BMX: variants seen among roughly 807,000 people sequenced by gnomAD.
The protein encoded by BMX is BMX non-receptor tyrosine kinase, also known as cytoplasmic tyrosine-protein kinase BMX.
BMX carries 31 observed loss-of-function variants against 59.2 expected under a neutral mutation model. That is an observed-to-expected ratio of 0.52 (90% CI 0.39 to 0.71). The LOEUF (loss-of-function observed/expected upper bound fraction) is 0.71. BMX is among the 30% of genes least tolerant of loss of function. The pLI is 0.00. For synonymous variants in BMX, 185 were observed against 181.0 expected (o/e 1.02, Z -0.18); for missense variants, 474 against 491.7 (o/e 0.96, Z 0.34).
intron 14 of BMX, among the ~76,000 whole-genome samples, chrX:15,539,375 A>G (rs777502483): frequency 1.9e-4 from 21 of 111,998 alleles, no homozygotes; most frequent in Non-Finnish European, 2.8e-4. Flanking sequence ...GAAGCCTATC[A>G]TGTGGGGAAT....
intron 8 of BMX, among the ~76,000 whole-genome samples, 156 bp from the exon 9 acceptor site, chrX:15,525,886 G>C (rs1924695206): frequency 8.9e-6 from 1 of 112,450 alleles, no homozygotes. Flanking sequence ...TACTGTTGCT[G>C]TGTTGATACT....
intron 14 of BMX, among the ~76,000 whole-genome samples, chrX:15,540,503 A>G (rs1395231443): frequency 9.1e-6 from 1 of 109,923 alleles, no homozygotes; most frequent in Non-Finnish European, 1.9e-5. Flanking sequence ...GCAAACCACC[A>G]TGGCACATGT....
At chrX:15,545,662 G>A (rs754219432) in intron 16 of BMX, among the ~76,000 whole-genome samples, 2 of 111,808 alleles carry the variant, frequency 1.8e-5, no homozygotes, top group East Asian at 5.6e-4. Flanking sequence ...TCAGCTTCAA[G>A]TATTTTCTAT....
At chrX:15,539,238 C>T (rs1395493900) in intron 14 of BMX, among the ~76,000 whole-genome samples, 1 of 110,659 alleles carries the variant, frequency 9.0e-6, no homozygotes, top group Non-Finnish European at 1.9e-5. Context: ...ATATTTTTGC[C>T]ATTACCAAGC....
intron 17 of BMX, among the ~76,000 whole-genome samples, chrX:15,548,734 T>C (rs748092327): frequency 2.7e-5 from 3 of 112,105 alleles, no homozygotes; most frequent in Non-Finnish European, 5.6e-5. Flanking sequence ...TATTTTGAAA[T>C]AAGTGTGTAG....
At chrX:15,543,245 G>A in intron 16 of BMX, 110 bp downstream of exon 16, 8 of 696,605 alleles carry the variant, frequency 1.1e-5, no homozygotes, top group Non-Finnish European at 1.7e-5. Flanking sequence ...TGAATTGGGG[G>A]CTTAGAAACC....
chrX:15,515,177 G>C (rs1283632760), intron 4 of BMX, among the ~76,000 whole-genome samples: 1 of 108,691 alleles, frequency 9.2e-6, no homozygotes. Context: ...GGGTGGGAGA[G>C]CATTAGGACA....
intron 14 of BMX, among the ~76,000 whole-genome samples, chrX:15,539,245 A>G (rs1025539003): frequency 3.6e-5 from 4 of 110,901 alleles, no homozygotes; most frequent in African/African-American, 1.3e-4. Flanking sequence ...TGCCATTACC[A>G]AGCTGGTATC....
At position 15,531,400 on chromosome X, in the gene BMX, G is replaced by A; in HGVS notation, c.1012G>A (p.Ala338Thr). 1 of 1,196,439 alleles carries A rather than the reference G, an allele frequency of 8.4e-7. No individual in the cohort carries two copies. The highest frequency in any genetic ancestry group is 1.1e-6 in the Non-Finnish European group (1 of 882,671). Residue 338 changes from alanine (A) to threonine (T), a missense_variant, in exon 11 of 19, where the codon GCT becomes ACT. Physicochemically the swap from Ala to Thr is moderately conservative, Grantham distance 58 (BLOSUM62 0). Transcript: ENST00000348343. ...GTACACAGTGTCCTTATTTAGTAAG[G>A]CTGTGAAGTAAGTATGATACGGATT... ...GMYTVSLFSK[A>T]VNDKKGTVKH...
At chrX:15,525,902 A>T (rs768727733) in intron 8 of BMX, 140 bp from the exon 9 acceptor site, 7 of 484,416 alleles carry the variant, frequency 1.4e-5, no homozygotes, top group Non-Finnish European at 2.4e-5. Context: ...ATACTTTGCC[A>T]GGTGCAGAAG....
intron 18 of BMX, among the ~76,000 whole-genome samples, chrX:15,555,806 T>C (rs748453542): frequency 9.8e-5 from 11 of 111,984 alleles, no homozygotes; most frequent in Non-Finnish European, 1.9e-4. Flanking sequence ...TGCTTGCAAA[T>C]AAAGAGACTT....
intron 6 of BMX, among the ~76,000 whole-genome samples, chrX:15,518,629 A>G (rs1002520166): frequency 9.0e-6 from 1 of 111,367 alleles, no homozygotes; most frequent in Non-Finnish European, 1.9e-5. Flanking sequence ...CAAGTTAAAC[A>G]TCTGTCACCT....
chrX:15,548,457 A>T (rs1308014321), intron 17 of BMX, among the ~76,000 whole-genome samples: 1 of 101,159 alleles, frequency 9.9e-6, no homozygotes, highest in African/African-American at 3.7e-5. Flanking sequence ...AGGCTGTCTT[A>T]AAAAAAAAAA....
chrX:15,554,750 A>C (rs1384687168), intron 18 of BMX, among the ~76,000 whole-genome samples: 1 of 111,663 alleles, frequency 9.0e-6, no homozygotes, highest in Non-Finnish European at 1.9e-5. Flanking sequence ...ATGGCTCCAA[A>C]TATATAATTT....
chrX:15,524,212 C>G (rs192471926), intron 7 of BMX, among the ~76,000 whole-genome samples: 1 of 112,113 alleles, frequency 8.9e-6, no homozygotes, highest in African/African-American at 3.2e-5. Flanking sequence ...CATGTGCATA[C>G]AAAAGCAAGT....
intron 17 of BMX, 85 bp from the exon 18 acceptor site, chrX:15,549,755 G>A: frequency 9.4e-7 from 1 of 1,068,492 alleles, no homozygotes. Flanking sequence ...CTGACCTGTT[G>A]TGTGAAACTC....
intron 1 of BMX, among the ~76,000 whole-genome samples, chrX:15,501,656 G>A (rs1343576450): frequency 1.8e-5 from 2 of 111,935 alleles, no homozygotes; most frequent in Admixed American, 9.4e-5. Context: ...GCGAGGTCTC[G>A]GGTGGGAACT....
At chrX:15,524,847 C>T (rs1924633631) in intron 7 of BMX, among the ~76,000 whole-genome samples, 1 of 112,004 alleles carries the variant, frequency 8.9e-6, no homozygotes, top group African/African-American at 3.2e-5. Context: ...TGATGAAAAT[C>T]CTCCTTATCC....
At chrX:15,527,283 T>TATATATAC (rs1285065649) in intron 9 of BMX, among the ~76,000 whole-genome samples, 1,715 of 64,918 alleles carry the variant, frequency 0.026, 23 homozygotes, top group Non-Finnish European at 0.036. Flanking sequence ...TATATATATA[T>TATATATAC]ACACACACAC....
Sources: allele counts gnomAD v4.1 joint callset (sites outside exome capture counted in the v4.1 genomes callset), GRCh38; gene constraint gnomAD v4.1.1; transcripts MANE v1.5; gene names NCBI Gene and HGNC (gene_info 2026-07-23, HGNC 2026-07-21).